TTC19: variants seen among roughly 807,000 people sequenced by gnomAD.
TTC19 encodes the protein tetratricopeptide repeat domain 19.
TTC19 carries 38 observed loss-of-function variants against 49.5 expected under a neutral mutation model. That is an observed-to-expected ratio of 0.77 (90% CI 0.59 to 1.01). The LOEUF (loss-of-function observed/expected upper bound fraction) is 1.01, where lower values mean the gene tolerates loss of function less well. TTC19 is among the 50% of genes least tolerant of loss of function. The pLI, the probability that TTC19 is intolerant of heterozygous loss-of-function variation, is 0.00. For synonymous variants in TTC19, 204 were observed against 185.2 expected, an observed-to-expected ratio of 1.10 and a Z score of -0.83; for missense variants, 475 against 477.7, an observed-to-expected ratio of 0.99 and a Z score of 0.05.
At position 16,034,860 on chromosome 17, in the gene TTC19, G is replaced by A. The variant is rs779636265; in HGVS notation, c.247+8158G>A. ...AGAGGAGACTGAAGAGGGCCGTTCCGTTCCTAAGTAGCCTTGCCCAGGTAT... is the reference window on the plus strand; with the variant it reads ...AGAGGAGACTGAAGAGGGCCGTTCCATTCCTAAGTAGCCTTGCCCAGGTAT... On this transcript the variant is annotated intron_variant, in intron 2 of 2. Coordinates refer to the TTC19 transcript ENST00000470649. The A allele has an allele frequency of 2.2e-5, 35 of 1,613,878 alleles. No homozygotes were observed. The highest frequency in any genetic ancestry group is 4.5e-5 in the East Asian group (2 of 44,888).
At chr17:16,010,569 G>A (rs982540208) in intron 7 of TTC19, among the ~76,000 whole-genome samples, 31 of 151,456 alleles carry the variant, frequency 2.0e-4, no homozygotes, top group African/African-American at 5.8e-4. Flanking sequence ...CTGCCTCCCC[G>A]GTTCAAGCGA....
intron 7 of TTC19, among the ~76,000 whole-genome samples, chr17:16,012,476 C>T (rs1170961468): frequency 6.6e-6 from 1 of 152,048 alleles, no homozygotes; most frequent in Non-Finnish European, 1.5e-5. Context: ...AAGACCCTGT[C>T]TTGGGGCTGG....
intron 2 of TTC19, among the ~76,000 whole-genome samples, chr17:16,043,085 G>A (rs1205544009): frequency 6.6e-6 from 1 of 152,158 alleles, no homozygotes; most frequent in Non-Finnish European, 1.5e-5. Context: ...AAGTAGAGAA[G>A]AAACAGGAGA....
At chr17:16,017,558 A>G (rs1469598652) in intron 7 of TTC19, among the ~76,000 whole-genome samples, 1 of 151,852 alleles carries the variant, frequency 6.6e-6, no homozygotes, top group Non-Finnish European at 1.5e-5. Context: ...TCAGGAGTTC[A>G]AGACCAGCCT....
intron 7 of TTC19, among the ~76,000 whole-genome samples, chr17:16,006,972 A>G (rs3826360): frequency 0.43 from 65,361 of 152,086 alleles, 15,710 homozygotes; most frequent in Middle Eastern, 0.57. Context: ...TGTTTTTACA[A>G]TCCATCCTCA....
chr17:16,008,482 T>C (rs1030985056), intron 7 of TTC19, among the ~76,000 whole-genome samples: 4 of 152,212 alleles, frequency 2.6e-5, no homozygotes, highest in African/African-American at 9.7e-5. Context: ...ATATCCATAC[T>C]GACCATGTCT....
At chr17:16,035,241 A>C (rs1256440904) in intron 2 of TTC19, among the ~76,000 whole-genome samples, 2 of 152,196 alleles carry the variant, frequency 1.3e-5, no homozygotes, top group African/African-American at 4.8e-5. Context: ...CCTTTCATGA[A>C]AGACTTATTT....
downstream of TTC19, chr17:16,030,165 T>TAA (rs1971802740): frequency 5.0e-6 from 1 of 200,864 alleles, no homozygotes; most frequent in East Asian, 7.8e-5. Context: ...GAGAAAATGT[T>TAA]TGTTAAGATT....
intron 6 of TTC19, among the ~76,000 whole-genome samples, chr17:16,005,761 C>T (rs1970887292): frequency 6.6e-6 from 1 of 152,150 alleles, no homozygotes; most frequent in African/African-American, 2.4e-5. Context: ...TCCTCAGAAG[C>T]TGTATGAGGT....
At chr17:16,038,831 T>C (rs8081406) in intron 2 of TTC19, among the ~76,000 whole-genome samples, 86,844 of 152,030 alleles carry the variant, frequency 0.57, 25,327 homozygotes, top group African/African-American at 0.64. Flanking sequence ...AGTGCAGTGG[T>C]GTGATCTCAG....
At chr17:16,024,610 G>C in intron 7 of TTC19, 1 of 265,668 alleles carries the variant, frequency 3.8e-6, no homozygotes, top group South Asian at 3.8e-5. Context: ...CGGCCTTTAC[G>C]TTGAATTCTT....
chr17:16,026,809 A>C, intron 9 of TTC19, 107 bp downstream of exon 9: 1 of 1,164,606 alleles, frequency 8.6e-7, no homozygotes, highest in Non-Finnish European at 1.3e-6. Context: ...ACGAATAAAC[A>C]TGTAAATTAA....
chr17:16,008,571 A>C (rs1341417433), intron 7 of TTC19, among the ~76,000 whole-genome samples: 2 of 152,170 alleles, frequency 1.3e-5, no homozygotes, highest in Admixed American at 1.3e-4. Context: ...TTTAGAATAA[A>C]TTTAGAATCC....
chr17:16,019,809 G>A (rs1386404731), intron 7 of TTC19, among the ~76,000 whole-genome samples: 1 of 152,110 alleles, frequency 6.6e-6, no homozygotes, highest in East Asian at 1.9e-4. Context: ...ACATAAAAGT[G>A]GAGTTGCCAG....
At chr17:16,039,344 GA>G (rs779196528) in intron 2 of TTC19, 3 of 1,248,734 alleles carry the variant, frequency 2.4e-6, no homozygotes, top group Middle Eastern at 2.7e-4. Context: ...AGACATAAAT[GA>G]AATGTCTTAG....
At chr17:16,000,373 C>A (rs905110811) in intron 2 of TTC19, 128 bp downstream of exon 2, 1 of 1,516,734 alleles carries the variant, frequency 6.6e-7, no homozygotes, top group African/African-American at 1.4e-5. Flanking sequence ...GTAAAATTGC[C>A]GAGAATGAGG....
At chr17:16,016,098 C>T (rs73278155) in intron 7 of TTC19, among the ~76,000 whole-genome samples, 4,825 of 151,920 alleles carry the variant, frequency 0.032, 256 homozygotes, top group African/African-American at 0.11. Context: ...TTTTCTGGTC[C>T]CTTAGGTGGG....
intron 2 of TTC19, chr17:16,039,180 T>C (rs996302479): frequency 2.5e-5 from 12 of 488,168 alleles, no homozygotes; most frequent in Non-Finnish European, 3.3e-5. Flanking sequence ...GAGGACTAGG[T>C]GCAAACAAAT....
chr17:16,030,532 T>C (rs1971823975), downstream of TTC19: 1 of 193,140 alleles, frequency 5.2e-6, no homozygotes, highest in Non-Finnish European at 1.1e-5. Flanking sequence ...AAGTGGAACA[T>C]TTAGTCACTG....
Sources: gnomAD v4.1 joint callset for allele counts (sites outside exome capture counted in the v4.1 genomes callset) on GRCh38, gnomAD v4.1.1 for gene constraint, MANE v1.5 for transcripts, NCBI Gene and HGNC (gene_info 2026-07-23, HGNC 2026-07-21) for gene names.